The following CNTN3 variants were observed in gnomAD, a reference collection of about 807,000 sequenced individuals.
CNTN3 encodes the protein contactin-3.
Under a neutral mutation model 119.1 loss-of-function variants are expected in CNTN3, and 60 were observed. The observed-to-expected ratio is 0.50, with a 90% confidence interval of 0.41 to 0.62. The LOEUF (loss-of-function observed/expected upper bound fraction) is 0.62, where lower values mean the gene tolerates loss of function less well. Ranked by LOEUF, CNTN3 falls within the 20% of genes least tolerant of loss-of-function variation. The pLI is 0.00. For synonymous variants in CNTN3, 450 were observed against 438.7 expected, an observed-to-expected ratio of 1.03 and a Z score of -0.32; for missense variants, 1,101 against 1,242.4, an observed-to-expected ratio of 0.89 and a Z score of 1.71.
At chr3:74,479,015 AG>A (rs1702711253) in intron 4 of CNTN3, among the ~76,000 whole-genome samples, 2 of 152,132 alleles carry the variant, frequency 1.3e-5, no homozygotes, top group South Asian at 4.1e-4. Context: ...GTTTAAAGAA[AG>A]GACTAAAGTA....
At chr3:74,339,993 C>A (rs772638291) in intron 11 of CNTN3, among the ~76,000 whole-genome samples, 14 of 152,024 alleles carry the variant, frequency 9.2e-5, no homozygotes, top group Non-Finnish European at 2.1e-4. Flanking sequence ...GTAGATTCAA[C>A]CAACCATAGA....
Position 74,369,392 on chromosome 3 carries a change from A to G in CNTN3, c.762-19T>C, listed in dbSNP as rs1207232751. On this transcript the variant is annotated intron_variant, in intron 7 of 22. Coordinates refer to ENST00000263665, the MANE Select transcript of CNTN3 (RefSeq NM_020872.3). Reference sequence around the variant, plus strand: ...TATGGGACTAAGAAGAAAATCGTCAAGTTGTCTGCTATTGTCTGGAAGCCT... The same window carrying G: ...TATGGGACTAAGAAGAAAATCGTCAGGTTGTCTGCTATTGTCTGGAAGCCT... 2 of 1,566,708 alleles carry G rather than the reference A, an allele frequency of 1.3e-6. No homozygotes were observed. The highest frequency in any genetic ancestry group is 1.7e-6 in the Non-Finnish European group (2 of 1,158,104).
chr3:74,437,999 G>C (rs1332126784), intron 4 of CNTN3, among the ~76,000 whole-genome samples: 2 of 152,116 alleles, frequency 1.3e-5, no homozygotes, highest in Non-Finnish European at 2.9e-5. Context: ...ACTGTACTGG[G>C]TATGCCATAG....
Position 74,269,062 on chromosome 3 carries a change from A to T in CNTN3, c.2705-1684T>A, listed in dbSNP as rs929306561. ...AATGACAAAAAGAAAAAAAAAAAAC[A>T]AAAAAAAAGGAAAACAAAAAAGAAA... On this transcript the variant is annotated intron_variant, in intron 20 of 22. Coordinates refer to ENST00000263665, the MANE Select transcript of CNTN3 (RefSeq NM_020872.3). Among the ~76,000 whole-genome samples, 5 of 148,580 alleles carry T rather than the reference A, an allele frequency of 3.4e-5. No individual in the cohort carries two copies. In the Admixed American group the frequency reaches 3.4e-4, roughly 10 times the overall value.
chr3:74,479,100 T>C (rs1702712761), intron 4 of CNTN3, among the ~76,000 whole-genome samples: 1 of 151,924 alleles, frequency 6.6e-6, no homozygotes, highest in African/African-American at 2.4e-5. Flanking sequence ...GAGGAAGGGT[T>C]GAGAGAAACA....
At position 74,364,604 on chromosome 3, in the gene CNTN3, A is replaced by G. The variant is rs374711084; in HGVS notation, c.1084-8T>C. On this transcript the variant is annotated splice_region_variant and splice_polypyrimidine_tract_variant and intron_variant, in intron 9 of 22. Transcript: ENST00000263665. ...TTCTATCTGTGTTCTCTCCTAGATGATAATAAAAATATCTTTCATATAAAC... is the reference window on the plus strand; with the variant it reads ...TTCTATCTGTGTTCTCTCCTAGATGGTAATAAAAATATCTTTCATATAAAC... 72 of 1,590,218 alleles carry G rather than the reference A, an allele frequency of 4.5e-5. No individual in the cohort carries two copies. Among genetic ancestry groups the G allele is most frequent in the Non-Finnish European group, 6.1e-5 (71 of 1,161,450 alleles).
chr3:74,281,720 C>T (rs765439150), intron 20 of CNTN3, among the ~76,000 whole-genome samples: 6 of 152,114 alleles, frequency 3.9e-5, no homozygotes, highest in Middle Eastern at 3.4e-3. Flanking sequence ...GAAAATGACT[C>T]GAGGGTGACT....
intron 5 of CNTN3, among the ~76,000 whole-genome samples, chr3:74,388,448 A>C (rs1704813084): frequency 1.3e-5 from 2 of 152,144 alleles, no homozygotes; most frequent in Admixed American, 1.3e-4. Flanking sequence ...AAATTATAAC[A>C]AGTGAGTACA....
intron 1 of CNTN3, among the ~76,000 whole-genome samples, chr3:74,554,527 T>C (rs796435524): frequency 1.4e-4 from 21 of 152,344 alleles, no homozygotes; most frequent in African/African-American, 5.0e-4. Flanking sequence ...ATTTTCACAA[T>C]ATTGATTCTT....
chr3:74,458,781 G>C (rs1217202639), intron 4 of CNTN3, among the ~76,000 whole-genome samples: 3 of 152,136 alleles, frequency 2.0e-5, no homozygotes, highest in Non-Finnish European at 1.5e-5. Flanking sequence ...TGGTATATTT[G>C]TCAACACTCA....
At chr3:74,549,699 G>T (rs772792490) in intron 1 of CNTN3, among the ~76,000 whole-genome samples, 24 of 152,130 alleles carry the variant, frequency 1.6e-4, no homozygotes, top group Non-Finnish European at 2.6e-4. Flanking sequence ...CACAAAGGTT[G>T]CCAGTGTTAA....
chr3:74,395,849 A>G (rs1705036238), intron 5 of CNTN3, among the ~76,000 whole-genome samples: 1 of 152,120 alleles, frequency 6.6e-6, no homozygotes, highest in African/African-American at 2.4e-5. Flanking sequence ...TGTGCTCACT[A>G]CATGTCTCTG....
At chr3:74,596,492 T>C (rs1234621247) in intron 1 of CNTN3, among the ~76,000 whole-genome samples, 5 of 152,014 alleles carry the variant, frequency 3.3e-5, no homozygotes, top group Non-Finnish European at 7.4e-5. Flanking sequence ...AACAGAGATA[T>C]AGATCAATGC....
chr3:74,460,836 T>C (rs1217599821), intron 4 of CNTN3, among the ~76,000 whole-genome samples: 15 of 139,260 alleles, frequency 1.1e-4, no homozygotes, highest in African/African-American at 2.2e-4. Flanking sequence ...ATTTCTTTCT[T>C]TTTTTTTTGC....
At chr3:74,535,640 C>A (rs981838319) in intron 1 of CNTN3, among the ~76,000 whole-genome samples, 1 of 152,118 alleles carries the variant, frequency 6.6e-6, no homozygotes, top group Non-Finnish European at 1.5e-5. Context: ...CGATACAATG[C>A]GAGCCTGGGG....
intron 20 of CNTN3, among the ~76,000 whole-genome samples, chr3:74,273,080 C>T (rs983920669): frequency 1.3e-5 from 2 of 152,018 alleles, no homozygotes; most frequent in African/African-American, 4.8e-5. Context: ...GAAAACTTTG[C>T]AATAATGTGT....
At chr3:74,317,182 TTTGCTTGGTAGATC>T (rs1203955986) in intron 13 of CNTN3, among the ~76,000 whole-genome samples, 1 of 149,296 alleles carries the variant, frequency 6.7e-6, no homozygotes, top group Non-Finnish European at 1.5e-5. Flanking sequence ...TTGTTTTCCA[TTTGCTTGGTAGATC>T]TTCCTCCATC....
chr3:74,318,249 TCA>T (rs1252451510), intron 13 of CNTN3, among the ~76,000 whole-genome samples: 1 of 151,858 alleles, frequency 6.6e-6, no homozygotes, highest in Non-Finnish European at 1.5e-5. Context: ...TATTTTTTTT[TCA>T]CAGTTTTTAA....
At chr3:74,297,475 G>C (rs1160625049) in intron 18 of CNTN3, among the ~76,000 whole-genome samples, 1 of 152,142 alleles carries the variant, frequency 6.6e-6, no homozygotes, top group Non-Finnish European at 1.5e-5. Flanking sequence ...GAGTGGGCTG[G>C]AGTGGAAAGA....
Sources: allele counts gnomAD v4.1 joint callset (sites outside exome capture counted in the v4.1 genomes callset), GRCh38; gene constraint gnomAD v4.1.1; transcripts MANE v1.5; gene names NCBI Gene and HGNC (gene_info 2026-07-23, HGNC 2026-07-21).